The following HYCC1 variants were observed in gnomAD, a reference collection of about 807,000 sequenced individuals.
HYCC1 encodes the protein hyccin.
At chr7:22,945,966 T>C in the HYCC1 span, 1 of 1,613,748 alleles carries the variant, frequency 6.2e-7, no homozygotes, top group Non-Finnish European at 8.5e-7. Context: ...GATTCCCCTG[T>C]AGTTTCTTTT....
the HYCC1 span, among the ~76,000 whole-genome samples, chr7:22,930,993 A>G: frequency 1.3e-5 from 2 of 152,112 alleles, no homozygotes; most frequent in African/African-American, 2.4e-5. Context: ...AACTTCCTCA[A>G]TGTGATAAAG....
the HYCC1 span, among the ~76,000 whole-genome samples, chr7:22,896,485 G>C: frequency 2.6e-5 from 4 of 152,316 alleles, no homozygotes; most frequent in East Asian, 7.7e-4. Context: ...GGCTAAAGCA[G>C]AGAGCAATCT....
the HYCC1 span, among the ~76,000 whole-genome samples, chr7:22,969,199 G>A: frequency 6.6e-6 from 1 of 151,790 alleles, no homozygotes; most frequent in Non-Finnish European, 1.5e-5. Context: ...TTTTAAGATG[G>A]AGTATCACTC....
At chr7:22,964,914 C>T in the HYCC1 span, among the ~76,000 whole-genome samples, 1 of 152,030 alleles carries the variant, frequency 6.6e-6, no homozygotes, top group East Asian at 1.9e-4. Context: ...GCAGGTGGAT[C>T]ACCTAGGCCA....
chr7:22,966,449 G>A, the HYCC1 span, among the ~76,000 whole-genome samples: 1 of 152,074 alleles, frequency 6.6e-6, no homozygotes, highest in Non-Finnish European at 1.5e-5. Context: ...GTGCCACCAT[G>A]CCCATCTGAT....
chr7:22,922,518 T>A, the HYCC1 span, among the ~76,000 whole-genome samples: 17 of 152,238 alleles, frequency 1.1e-4, no homozygotes, highest in African/African-American at 3.9e-4. Flanking sequence ...AGTACTGTGC[T>A]GTATATTGCT....
the HYCC1 span, among the ~76,000 whole-genome samples, chr7:22,986,018 G>A: frequency 7.3e-6 from 1 of 137,622 alleles, no homozygotes; most frequent in African/African-American, 2.7e-5. Context: ...TGAATAGAAA[G>A]ATTACTACTT....
At chr7:22,931,350 G>C in the HYCC1 span, among the ~76,000 whole-genome samples, 1 of 151,484 alleles carries the variant, frequency 6.6e-6, no homozygotes, top group Non-Finnish European at 1.5e-5. Flanking sequence ...CAGGCTTTTA[G>C]CCTCCAGAAC....
chr7:23,006,411 C>T, the HYCC1 span, among the ~76,000 whole-genome samples: 3 of 152,010 alleles, frequency 2.0e-5, no homozygotes, highest in African/African-American at 7.3e-5. Flanking sequence ...CGACTACAGG[C>T]GCCTGCCACC....
At chr7:22,978,221 T>C in the HYCC1 span, 2 of 1,531,610 alleles carry the variant, frequency 1.3e-6, no homozygotes, top group Non-Finnish European at 1.8e-6. Flanking sequence ...ACAGGTTATA[T>C]ATTTGATTTT....
the HYCC1 span, chr7:22,946,807 A>C: frequency 1.6e-5 from 10 of 608,880 alleles, no homozygotes; most frequent in African/African-American, 1.5e-4. Context: ...CAAAGACGAT[A>C]AAGGTATAAT....
the HYCC1 span, among the ~76,000 whole-genome samples, chr7:22,994,750 A>G: frequency 2.0e-5 from 3 of 152,098 alleles, no homozygotes; most frequent in Admixed American, 6.6e-5. Context: ...CCTATCCTGA[A>G]ACTTTCACAG....
At chr7:22,994,431 T>A in the HYCC1 span, among the ~76,000 whole-genome samples, 80 of 152,196 alleles carry the variant, frequency 5.3e-4, no homozygotes, top group Non-Finnish European at 1.0e-3. Context: ...ATCTTGTCGG[T>A]TCTGATAACA....
chr7:22,977,488 T>A, the HYCC1 span: 1 of 928,306 alleles, frequency 1.1e-6, no homozygotes, highest in Non-Finnish European at 1.7e-6. Flanking sequence ...AAACTAAATT[T>A]AAATAGTCTA....
the HYCC1 span, among the ~76,000 whole-genome samples, chr7:22,914,187 C>T: frequency 3.3e-5 from 5 of 152,220 alleles, no homozygotes; most frequent in Non-Finnish European, 4.4e-5. Flanking sequence ...TTCACCCACA[C>T]TCCATTGGTG....
the HYCC1 span, chr7:22,944,218 C>T: frequency 6.6e-6 from 1 of 152,330 alleles, no homozygotes; most frequent in African/African-American, 2.4e-5. Context: ...GGTCAACTGA[C>T]TCAGCCTCAG....
At chr7:22,921,638 T>A in the HYCC1 span, among the ~76,000 whole-genome samples, 1 of 152,130 alleles carries the variant, frequency 6.6e-6, no homozygotes, top group African/African-American at 2.4e-5. Context: ...TCCACACGGC[T>A]CCCCACACCC....
At chr7:22,989,461 A>G in the HYCC1 span, among the ~76,000 whole-genome samples, 5 of 151,908 alleles carry the variant, frequency 3.3e-5, no homozygotes, top group African/African-American at 4.8e-5. Context: ...GTTCCTCCCA[A>G]CTCAGCCTCC....
At chr7:22,987,809 T>C in the HYCC1 span, among the ~76,000 whole-genome samples, 163 of 152,062 alleles carry the variant, frequency 1.1e-3, no homozygotes, top group Non-Finnish European at 6.2e-4. Context: ...TGGGGAGAAT[T>C]AGAATTAAGT....
Sources: gnomAD v4.1 joint callset for allele counts (sites outside exome capture counted in the v4.1 genomes callset) on GRCh38, gnomAD v4.1.1 for gene constraint, MANE v1.5 for transcripts, NCBI Gene and HGNC (gene_info 2026-07-23, HGNC 2026-07-21) for gene names.